Variants in ANKRD30B observed in about 807,000 individuals in gnomAD.
The protein encoded by ANKRD30B is ankyrin repeat domain 30B, also known as ankyrin repeat domain-containing protein 30B.
ANKRD30B carries 144 observed loss-of-function variants against 202.2 expected under a neutral mutation model. The observed-to-expected ratio is 0.71, with a 90% confidence interval of 0.62 to 0.82. The LOEUF is 0.82. Ranked by LOEUF, ANKRD30B falls within the 40% of genes least tolerant of loss-of-function variation. The pLI is 0.00. For missense variants in ANKRD30B, 1,487 were observed against 1,669.1 expected (o/e 0.89, Z 1.90); for synonymous variants, 508 against 561.3 (o/e 0.91, Z 1.34).
rs1913699296 is a variant in ANKRD30B, at chr18:14,752,930, T to C, written c.428T>C (p.Leu143Pro). 1.2e-6 allele frequency: 2 copies of C among 1,604,414 alleles called. No homozygotes were observed. Among genetic ancestry groups the C allele is most frequent in the South Asian group, 2.2e-5 (2 of 89,896 alleles). ...GTAGATGTGTATGGCAACACGGCTC[T>C]CCATTATGCCGTTTATAGTGAGAAT... Reference protein sequence around the residue: ...NYVDVYGNTALHYAVYSENLL... With the variant: ...NYVDVYGNTAPHYAVYSENLL... The change falls in exon 3 of 44, where the codon CTC becomes CCC. Residue 143 changes from leucine (L) to proline (P), a missense_variant. By Grantham distance (98) the Leu-to-Pro change is moderately conservative. This residue lies in a region of ANKRD30B where 889 missense variants were observed against 841.4 expected (regional missense o/e 1.06). Coordinates refer to ENST00000690538, the MANE Select transcript of ANKRD30B (RefSeq NM_001367607.2).
chr18:14,750,919 C>A (rs1318204995), intron 1 of ANKRD30B, among the ~76,000 whole-genome samples: 1 of 151,772 alleles, frequency 6.6e-6, no homozygotes, highest in African/African-American at 2.4e-5. Context: ...AATGTTTTTC[C>A]TTTTTTTATC....
Position 14,763,781 on chromosome 18 carries a change from G to C in ANKRD30B, c.916G>C (p.Ala306Pro), listed in dbSNP as rs1915646078. ...ESLLEKTPDE[A>P]ARLVEGTSAK... ...CTTGCTGGAAAAAACACCTGACGAGGCTGCACGCTTGGTGGAGGGAACGTC... is the reference window on the plus strand; with the variant it reads ...CTTGCTGGAAAAAACACCTGACGAGCCTGCACGCTTGGTGGAGGGAACGTC... The change falls in exon 7 of 44, where the codon GCT (alanine) becomes CCT (proline). Residue 306 changes from alanine to proline, a missense_variant. Around this residue, in one of 6 missense-constraint regions of ANKRD30B, gnomAD observed 889 missense variants for 841.4 expected, o/e 1.06. Coordinates refer to ENST00000690538, the MANE Select transcript of ANKRD30B (RefSeq NM_001367607.2). The C allele has an allele frequency of 1.2e-6, 2 of 1,614,022 alleles. No individual in the cohort carries two copies. The highest frequency in any genetic ancestry group is 8.5e-7 in the Non-Finnish European group (1 of 1,180,000).
At chr18:14,807,330 T>G (rs1191085642) in intron 24 of ANKRD30B, among the ~76,000 whole-genome samples, 3 of 150,960 alleles carry the variant, frequency 2.0e-5, no homozygotes, top group Admixed American at 6.6e-5. Flanking sequence ...CTATAAAAGC[T>G]TTTTCATAAC....
chr18:14,799,186 A>G (rs749987092), intron 21 of ANKRD30B, 37 bp from the exon 22 acceptor site: 3 of 1,586,764 alleles, frequency 1.9e-6, no homozygotes, highest in African/African-American at 2.7e-5. Context: ...TGAAGTATAC[A>G]TTATATGTTA....
the ANKRD30B span, among the ~76,000 whole-genome samples, chr18:14,861,368 T>G: frequency 6.6e-6 from 1 of 152,174 alleles, no homozygotes; most frequent in African/African-American, 2.4e-5. Context: ...CTGCTGCCTT[T>G]GAGAGACCCA....
chr18:14,768,596 T>A (rs1314094734), intron 7 of ANKRD30B, among the ~76,000 whole-genome samples: 1 of 152,174 alleles, frequency 6.6e-6, no homozygotes, highest in African/African-American at 2.4e-5. Flanking sequence ...TGCTACAGAA[T>A]TGTTTGCTTA....
rs776735116 is a variant in ANKRD30B, at chr18:14,791,503, T to A, written c.1825+12T>A. 4.4e-6 allele frequency: 7 copies of A among 1,591,170 alleles called. No individual in the cohort carries two copies. Among genetic ancestry groups the A allele is most frequent in the South Asian group, 2.3e-5 (2 of 88,640 alleles). On this transcript the variant is annotated intron_variant, in intron 16 of 43. Transcript: ENST00000690538. The stretch of plus-strand genomic sequence containing the variant: ...TGGAAAATTAGAAGGTAAGAACCAT[T>A]TTTTAATTAAAAAGTCATTTGACCA...
chr18:14,832,426 T>C lies in ANKRD30B; in HGVS notation c.2847+971T>C, dbSNP rs1184575630. 2.0e-5 allele frequency among the ~76,000 whole-genome samples: 3 copies of C among 152,220 alleles called. No individual in the cohort carries two copies. The East Asian group carries it at 5.8e-4, about 29-fold the overall frequency. On this transcript the variant is annotated intron_variant, in intron 34 of 43. Transcript: ENST00000690538. ...TAATTTCAGAGTTTTTAAATTGCAG[T>C]TTTTAAACATATTGTTCAAAGATCT...
the ANKRD30B span, among the ~76,000 whole-genome samples, chr18:14,871,500 A>G: frequency 6.6e-6 from 1 of 151,196 alleles, no homozygotes; most frequent in Non-Finnish European, 1.5e-5. Flanking sequence ...CCCCTGGGTT[A>G]GTCCACCACA....
chr18:14,779,975 C>G lies in ANKRD30B; in HGVS notation c.1436C>G (p.Ser479Ter). 6.2e-7 allele frequency: 1 copy of G among 1,604,840 alleles called. No individual in the cohort carries two copies. Among genetic ancestry groups the G allele is most frequent in the Non-Finnish European group, 8.5e-7 (1 of 1,173,278 alleles). ...NHKIEDQMFP[S>*]ESKREEDEEY... is the part of the protein sequence containing the mutation. ...ACATTTTTAGATCAGATGTTCCCAT[C>G]AGAATCCAAACGAGAGGAAGATGAA... is the stretch of plus-strand genomic sequence containing the variant. The change falls in exon 11 of 44, where the codon TCA (serine) becomes TGA (stop). Residue 479 changes from serine (S) to a stop codon, truncating the protein, a stop_gained. Coordinates refer to ENST00000690538, the MANE Select transcript of ANKRD30B (RefSeq NM_001367607.2). LOFTEE classifies it high-confidence loss of function.
intron 30 of ANKRD30B, among the ~76,000 whole-genome samples, chr18:14,819,140 T>G (rs759893668): frequency 2.5e-4 from 37 of 150,236 alleles, no homozygotes; most frequent in Admixed American, 8.6e-4. Context: ...TCATGTGTTT[T>G]TTGGCTGCAT....
chr18:14,832,793 A>T (rs1265513846), intron 34 of ANKRD30B, among the ~76,000 whole-genome samples: 2 of 152,240 alleles, frequency 1.3e-5, no homozygotes, highest in Non-Finnish European at 2.9e-5. Flanking sequence ...TATCTTGAGA[A>T]AATATGTCAT....
At chr18:14,782,071 C>G (rs938980947) in intron 11 of ANKRD30B, among the ~76,000 whole-genome samples, 6 of 152,172 alleles carry the variant, frequency 3.9e-5, no homozygotes, top group African/African-American at 1.4e-4. Flanking sequence ...GCAAACTTCT[C>G]GGCCTTCGAA....
At chr18:14,755,385 CT>C (rs1339913412) in intron 4 of ANKRD30B, among the ~76,000 whole-genome samples, 1 of 151,874 alleles carries the variant, frequency 6.6e-6, no homozygotes, top group Non-Finnish European at 1.5e-5. Context: ...TTTTTATACA[CT>C]TTTTTAATTT....
chr18:14,765,334 G>A (rs1301941905), intron 7 of ANKRD30B, among the ~76,000 whole-genome samples: 17 of 151,966 alleles, frequency 1.1e-4, no homozygotes, highest in African/African-American at 3.4e-4. Flanking sequence ...TTGGTGGCAC[G>A]TGCCTGTAAT....
intron 34 of ANKRD30B, among the ~76,000 whole-genome samples, chr18:14,834,016 C>A (rs959411354): frequency 1.3e-5 from 2 of 152,106 alleles, no homozygotes; most frequent in African/African-American, 2.4e-5. Flanking sequence ...CATTGCCCCC[C>A]GCATGATTTA....
In ANKRD30B at chr18:14,854,408, A is replaced by G. The variant is rs1169776453; in HGVS notation, c.*250A>G. Reference sequence around the variant, plus strand: ...CCTGGCAGTGCTTCTGGTGTGTGGGATGGGGGTAGAATCCCATGCATGAGA... The same window carrying G: ...CCTGGCAGTGCTTCTGGTGTGTGGGGTGGGGGTAGAATCCCATGCATGAGA... On this transcript the variant is annotated 3_prime_UTR_variant, in exon 44 of 44. Coordinates refer to ENST00000690538, the MANE Select transcript of ANKRD30B (RefSeq NM_001367607.2). Among the ~76,000 whole-genome samples the G allele has an allele frequency of 1.3e-5, 2 of 152,152 alleles. No individual in the cohort carries two copies. Among genetic ancestry groups the G allele is most frequent in the East Asian group, 3.9e-4 (2 of 5,176 alleles).
Position 14,777,976 on chromosome 18 carries a change from CT to C in ANKRD30B, c.1330-6del. On this transcript the variant is annotated splice_polypyrimidine_tract_variant and splice_region_variant and intron_variant, in intron 9 of 43. Coordinates refer to ENST00000690538, the MANE Select transcript of ANKRD30B (RefSeq NM_001367607.2). ...AAGACAAATTATTTATTGGTATTAC[CT>C]TTAACAGATTATCTCTAAGAGTGCT... The C allele has an allele frequency of 6.5e-7, 1 of 1,530,874 alleles. No homozygotes were observed. The highest frequency in any genetic ancestry group is 8.8e-7 in the Non-Finnish European group (1 of 1,132,166). 94.8% of individuals were successfully genotyped at this position (1,530,874 alleles called of 1,614,324 possible).
At position 14,787,056 on chromosome 18, in the gene ANKRD30B, G is replaced by A. The variant is rs760400831; in HGVS notation, c.1690G>A (p.Glu564Lys). The A allele has an allele frequency of 1.2e-6, 2 of 1,609,698 alleles. No individual in the cohort carries two copies. Among genetic ancestry groups the A allele is most frequent in the Non-Finnish European group, 1.7e-6 (2 of 1,177,240 alleles). Reference sequence around the variant, plus strand: ...TTTTATAGCTCAGATGTTCCCATCAGAATCCAAACAAAAGGACGATGAAGA... The same window carrying A: ...TTTTATAGCTCAGATGTTCCCATCAAAATCCAAACAAAAGGACGATGAAGA... Reference protein sequence around the residue: ...TLRAAQMFPSESKQKDDEENS... With the variant: ...TLRAAQMFPSKSKQKDDEENS... Residue 564 changes from glutamate to lysine, a missense_variant, in exon 15 of 44, where the codon GAA becomes AAA. Around this residue, in one of 6 missense-constraint regions of ANKRD30B, gnomAD observed 889 missense variants for 841.4 expected, o/e 1.06. Coordinates refer to ENST00000690538, the MANE Select transcript of ANKRD30B (RefSeq NM_001367607.2).
Sources: allele counts gnomAD v4.1 joint callset (sites outside exome capture counted in the v4.1 genomes callset), GRCh38; gene constraint gnomAD v4.1.1; regional missense constraint gnomAD v4.1.1; transcripts MANE v1.5; gene names NCBI Gene and HGNC (gene_info 2026-07-23, HGNC 2026-07-21).